Variants in KCNH1 observed in about 807,000 individuals in gnomAD.
The protein encoded by KCNH1 is potassium voltage-gated channel subfamily H member 1.
Under a neutral mutation model 69.2 loss-of-function variants are expected in KCNH1, and 27 were observed. The ratio of observed to expected loss-of-function variants is 0.39; its 90% CI spans 0.29 to 0.54. The LOEUF (loss-of-function observed/expected upper bound fraction) is 0.54, where lower values mean the gene tolerates loss of function less well. Ranked by LOEUF, KCNH1 falls within the 20% of genes least tolerant of loss-of-function variation. The pLI is 0.68. For synonymous variants in KCNH1, 456 were observed against 487.7 expected (o/e 0.93, Z 0.86); for missense variants, 798 against 1,261.6 (o/e 0.63, Z 5.57).
At position 211,078,917 on chromosome 1, in the gene KCNH1, C is replaced by CAA. The variant is rs769981174; in HGVS notation, c.558+3861_558+3862dup. 2.0e-3 allele frequency among the ~76,000 whole-genome samples: 168 copies of CAA among 82,904 alleles called. 4 individuals are homozygous for CAA. Among genetic ancestry groups the CAA allele is most frequent in the African/African-American group, 2.9e-3 (59 of 20,582 alleles). The allele number at this position is 82,904 out of a possible 152,430, so 54.4% of individuals were successfully genotyped here. ...TGGGTGACAGAGCGAGACTCCGTCTCAAAAAAAAAAAAAAAAAAAAGAAAG... is the reference window on the plus strand; with the variant it reads ...TGGGTGACAGAGCGAGACTCCGTCTCAAAAAAAAAAAAAAAAAAAAAAGAAAG... On this transcript the variant is annotated intron_variant, in intron 5 of 10. Coordinates refer to ENST00000271751, the MANE Select transcript of KCNH1 (RefSeq NM_172362.3).
chr1:210,954,062 C>A (rs779431333), intron 6 of KCNH1, among the ~76,000 whole-genome samples: 1 of 152,066 alleles, frequency 6.6e-6, no homozygotes, highest in Non-Finnish European at 1.5e-5. Flanking sequence ...CCCAGCCCCC[C>A]ATCCCAAGAC....
chr1:210,916,813 A>G (rs1687340994), intron 7 of KCNH1, among the ~76,000 whole-genome samples: 1 of 152,170 alleles, frequency 6.6e-6, no homozygotes, highest in African/African-American at 2.4e-5. Context: ...GTCCTTGGCT[A>G]CATAATGCAG....
chr1:210,826,487 G>T (rs1007004785), intron 7 of KCNH1, among the ~76,000 whole-genome samples: 8 of 152,138 alleles, frequency 5.3e-5, no homozygotes, highest in Non-Finnish European at 1.2e-4. Context: ...AAAACCAACT[G>T]TGTGAAGACT....
At chr1:210,721,808 TAAATA>T (rs1454573586) in intron 10 of KCNH1, among the ~76,000 whole-genome samples, 2 of 94,996 alleles carry the variant, frequency 2.1e-5, no homozygotes, top group Non-Finnish European at 4.0e-5. Context: ...TAAAAATAAA[TAAATA>T]AATAAATAAA....
chr1:211,096,047 CTTTATTTATTTA>C (rs536254644), intron 3 of KCNH1, among the ~76,000 whole-genome samples: 1 of 125,024 alleles, frequency 8.0e-6, no homozygotes, highest in Non-Finnish European at 1.9e-5. Context: ...AAAAGTATCA[CTTTATTTATTTA>C]TTTATTTATT....
At chr1:210,888,169 C>T (rs1313210677) in intron 7 of KCNH1, among the ~76,000 whole-genome samples, 1 of 152,054 alleles carries the variant, frequency 6.6e-6, no homozygotes, top group African/African-American at 2.4e-5. Context: ...TAAAACACAC[C>T]TCAGCAAATG....
intron 7 of KCNH1, among the ~76,000 whole-genome samples, chr1:210,905,330 G>A (rs1379549520): frequency 6.6e-6 from 1 of 152,158 alleles, no homozygotes; most frequent in Non-Finnish European, 1.5e-5. Flanking sequence ...CCCATAGTAA[G>A]TGTCTAATAA....
At chr1:210,775,751 C>T (rs1683847067) in intron 9 of KCNH1, among the ~76,000 whole-genome samples, 1 of 152,134 alleles carries the variant, frequency 6.6e-6, no homozygotes, top group South Asian at 2.1e-4. Context: ...TTAACACATG[C>T]CAAAGTTTAA....
At chr1:210,859,771 A>G in intron 7 of KCNH1, 1 of 1,018,658 alleles carries the variant, frequency 9.8e-7, no homozygotes, top group South Asian at 1.3e-5. Flanking sequence ...ACAGAGACTG[A>G]GAACACACAT....
intron 6 of KCNH1, among the ~76,000 whole-genome samples, chr1:210,991,882 C>A (rs932916465): frequency 4.6e-5 from 7 of 152,200 alleles, no homozygotes; most frequent in African/African-American, 1.7e-4. Context: ...TAAAATCTCT[C>A]CTGAGATTGG....
At chr1:210,825,463 C>T (rs1429745206) in intron 7 of KCNH1, among the ~76,000 whole-genome samples, 1 of 152,160 alleles carries the variant, frequency 6.6e-6, no homozygotes, top group African/African-American at 2.4e-5. Flanking sequence ...TTGAAACTGC[C>T]TTAATTCATG....
intron 6 of KCNH1, among the ~76,000 whole-genome samples, chr1:210,947,779 T>C (rs1428301187): frequency 3.3e-5 from 5 of 152,102 alleles, no homozygotes; most frequent in African/African-American, 1.2e-4. Flanking sequence ...GTAAAATGAA[T>C]AAGAGATTTG....
At chr1:210,747,642 CA>C (rs11449700) in intron 10 of KCNH1, among the ~76,000 whole-genome samples, 1,627 of 141,344 alleles carry the variant, frequency 0.012, 23 homozygotes, top group African/African-American at 0.035. Flanking sequence ...CTTTCACATG[CA>C]AAAAAAAAAA....
intron 6 of KCNH1, among the ~76,000 whole-genome samples, chr1:211,008,517 A>C (rs1689327802): frequency 6.6e-6 from 1 of 152,250 alleles, no homozygotes; most frequent in Non-Finnish European, 1.5e-5. Flanking sequence ...GACACACTCA[A>C]TATGGTTGAG....
chr1:211,064,651 C>T (rs1011379007), intron 5 of KCNH1, among the ~76,000 whole-genome samples: 1 of 151,892 alleles, frequency 6.6e-6, no homozygotes, highest in African/African-American at 2.4e-5. Flanking sequence ...TTATATCAAG[C>T]TAAAAGCCTT....
intron 10 of KCNH1, among the ~76,000 whole-genome samples, chr1:210,767,073 A>G (rs57144255): frequency 0.04 from 6,052 of 152,318 alleles, 234 homozygotes; most frequent in East Asian, 0.14. Flanking sequence ...TTAAGAGTAG[A>G]AGGAACAATA....
chr1:210,986,075 A>G (rs1268139194), intron 6 of KCNH1, among the ~76,000 whole-genome samples: 1 of 152,098 alleles, frequency 6.6e-6, no homozygotes, highest in East Asian at 1.9e-4. Context: ...GTTGGTTTAA[A>G]GTCTGTTTTA....
At chr1:210,767,704 T>A (rs113149450) in intron 10 of KCNH1, among the ~76,000 whole-genome samples, 2 of 152,196 alleles carry the variant, frequency 1.3e-5, no homozygotes, top group Non-Finnish European at 2.9e-5. Context: ...CTAGGATCCA[T>A]TAGCACTACC....
At chr1:210,734,178 G>T (rs1405249422) in intron 10 of KCNH1, among the ~76,000 whole-genome samples, 1 of 152,164 alleles carries the variant, frequency 6.6e-6, no homozygotes, top group Non-Finnish European at 1.5e-5. Flanking sequence ...GATTAAAGAT[G>T]ATTAACTCAT....
Sources: allele counts gnomAD v4.1 joint callset (sites outside exome capture counted in the v4.1 genomes callset), GRCh38; gene constraint gnomAD v4.1.1; transcripts MANE v1.5; gene names NCBI Gene and HGNC (gene_info 2026-07-23, HGNC 2026-07-21).